The following GNL2 variants were observed in gnomAD, a reference collection of about 807,000 sequenced individuals.
GNL2 encodes G protein nucleolar 2, also known as nucleolar GTP-binding protein 2.
A neutral mutation model predicts 92.3 loss-of-function variants in GNL2; 51 were observed. The observed-to-expected ratio is 0.55, with a 90% confidence interval of 0.44 to 0.70. The LOEUF is 0.70. Ranked by LOEUF, GNL2 falls within the 30% of genes least tolerant of loss-of-function variation. The probability of loss-of-function intolerance (pLI) is 0.00; values close to 1 mark genes in which losing one functional copy is unlikely to be tolerated. For missense variants in GNL2, 844 were observed against 895.6 expected (o/e 0.94, Z 0.74); for synonymous variants, 283 against 300.6 (o/e 0.94, Z 0.61).
rs1178244695 is a variant in GNL2 at position 37,595,906 on chromosome 1, C to T, written c.-84G>A. 5.8e-6 allele frequency: 7 copies of T among 1,197,040 alleles called. No individual in the cohort carries two copies. The highest frequency in any genetic ancestry group is 8.7e-6 in the Non-Finnish European group (7 of 807,696). The allele number at this position is 1,197,040 out of a possible 1,614,324, so 74.2% of individuals were successfully genotyped here. A position where few individuals can be genotyped will look rare whatever the true frequency, so the allele number is the denominator to read the frequency against. ...TTATGTTCCCAAGCCCGGCCGAAGA[C>T]ACCCGCCTGAACCACGCCGGACCAC... On this transcript the variant is annotated 5_prime_UTR_variant, in exon 1 of 16. Coordinates refer to ENST00000373062, the MANE Select transcript of GNL2 (RefSeq NM_013285.3).
rs753481413 is a variant in GNL2 at position 37,592,717 on chromosome 1, C to T, written c.239G>A (p.Trp80Ter). The stretch of plus-strand genomic sequence containing the variant: ...TAACAGGGGATAATACTCACCAAAC[C>T]ATTTAATATTTGGCTCTACTCTTGC... Reference protein sequence around the residue: ...TVARVEPNIKWFGNTRVIKQS... With the variant: ...TVARVEPNIK Residue 80 changes from tryptophan (W) to a stop codon, truncating the protein, a stop_gained, in exon 3 of 16, where the codon TGG (tryptophan) becomes TAG (stop). Transcript: ENST00000373062. LOFTEE classifies it high-confidence loss of function. The T allele has an allele frequency of 6.4e-7, 1 of 1,550,636 alleles. No homozygotes were observed. Among genetic ancestry groups the T allele is most frequent in the Admixed American group, 1.7e-5 (1 of 59,912 alleles).
At chr1:37,577,920 G>C (rs2148133779) in intron 8 of GNL2, among the ~76,000 whole-genome samples, 1 of 152,238 alleles carries the variant, frequency 6.6e-6, no homozygotes, top group South Asian at 2.1e-4. Flanking sequence ...AAGGGATCCT[G>C]GATTTAGAGA....
intron 15 of GNL2, among the ~76,000 whole-genome samples, chr1:37,567,289 C>T (rs1643519301): frequency 6.6e-6 from 1 of 152,222 alleles, no homozygotes; most frequent in Non-Finnish European, 1.5e-5. Context: ...TGCAGCAAGG[C>T]TGAGTGCTGC....
intron 12 of GNL2, among the ~76,000 whole-genome samples, chr1:37,573,344 A>G (rs985260948): frequency 2.0e-5 from 3 of 152,382 alleles, no homozygotes; most frequent in East Asian, 1.9e-4. Context: ...GCATAGATGC[A>G]CAATTTGAAG....
intron 4 of GNL2, 129 bp downstream of exon 4, chr1:37,590,577 T>G: frequency 1.3e-6 from 1 of 741,882 alleles, no homozygotes; most frequent in Non-Finnish European, 2.3e-6. Context: ...AGAGAGGTCT[T>G]AGAAAGTTCA....
At chr1:37,574,963 G>A (rs552079708) in intron 10 of GNL2, 140 bp from the exon 11 acceptor site, 155 of 646,070 alleles carry the variant, frequency 2.4e-4, no homozygotes, top group Non-Finnish European at 3.7e-4. Context: ...TGTCTCTGAC[G>A]GGGCTAGACA....
At chr1:37,590,112 TTC>T (rs1406912908) in intron 4 of GNL2, among the ~76,000 whole-genome samples, 15 of 152,098 alleles carry the variant, frequency 9.9e-5, no homozygotes, top group African/African-American at 2.7e-4. Context: ...TATCTATACT[TTC>T]TGTTTTTTTT....
Position 37,595,750 on chromosome 1 carries a change from C to G in GNL2, c.64+9G>C. 1 of 1,613,342 alleles carries G rather than the reference C, an allele frequency of 6.2e-7. No homozygotes were observed. The highest frequency in any genetic ancestry group is 8.5e-7 in the Non-Finnish European group (1 of 1,179,210). On this transcript the variant is annotated intron_variant, in intron 1 of 15. Transcript: ENST00000373062. ...AAGCTCCACCCTCGATCAGCCCTGCCGCCTGTACCTGGGTTTGTGCTGGCC... is the reference window on the plus strand; with the variant it reads ...AAGCTCCACCCTCGATCAGCCCTGCGGCCTGTACCTGGGTTTGTGCTGGCC...
At chr1:37,576,646 T>C (rs1297773655) in intron 8 of GNL2, 90 bp from the exon 9 acceptor site, 2 of 1,316,014 alleles carry the variant, frequency 1.5e-6, no homozygotes, top group African/African-American at 2.9e-5. Flanking sequence ...ATATCAAGAA[T>C]ACAGTGCAAA....
chr1:37,585,125 C>A (rs1643832651), intron 5 of GNL2, among the ~76,000 whole-genome samples: 1 of 139,286 alleles, frequency 7.2e-6, no homozygotes, highest in Non-Finnish European at 1.5e-5. Context: ...GTGGTGCGAT[C>A]TTGGCTCACT....
chr1:37,582,954 C>CA lies in GNL2; in HGVS notation c.637-19dup. On this transcript the variant is annotated intron_variant, in intron 6 of 15. Transcript: ENST00000373062. ...TCTATCACCTGAAAATTCAGAAAGG[C>CA]AAAAATGGTTTGCTACAGTACAAAT... 6.3e-7 allele frequency: 1 copy of CA among 1,587,972 alleles called. No homozygotes were observed. Among genetic ancestry groups the CA allele is most frequent in the Non-Finnish European group, 8.6e-7 (1 of 1,165,402 alleles).
Position 37,567,693 on chromosome 1 carries a change from T to C in GNL2, c.2023A>G (p.Arg675Gly). 1 of 1,612,866 alleles carries C rather than the reference T, an allele frequency of 6.2e-7. No homozygotes were observed. The highest frequency in any genetic ancestry group is 2.2e-5 in the East Asian group (1 of 44,878). Reference sequence around the variant, plus strand: ...CTTACTTCTTTTGATGTAAGCGCCCTGGGAGCTTTATTTGAATGTTCCTGT... The same window carrying C: ...CTTACTTCTTTTGATGTAAGCGCCCCGGGAGCTTTATTTGAATGTTCCTGT... ...EEQEHSNKAP[R>G]ALTSKERRRA... Residue 675 changes from arginine (R) to glycine (G), a missense_variant, in exon 15 of 16, where the codon AGG (arginine) becomes GGG (glycine). Coordinates refer to ENST00000373062, the MANE Select transcript of GNL2 (RefSeq NM_013285.3).
At chr1:37,578,629 C>G (rs1013251999) in intron 8 of GNL2, among the ~76,000 whole-genome samples, 5 of 151,968 alleles carry the variant, frequency 3.3e-5, no homozygotes, top group African/African-American at 1.2e-4. Context: ...ACAATCACAG[C>G]TCTCTGCGGC....
rs751213477 is a variant in GNL2, at chr1:37,574,405, G to C, written c.1354C>G (p.Gln452Glu). The change falls in exon 12 of 16, where the codon CAG (glutamine) becomes GAG (glutamate). Residue 452 changes from glutamine to glutamate, a missense_variant. Transcript: ENST00000373062. ...TVGKMVLNDW[Q>E]RGRIPFFVKP... Reference sequence around the variant, plus strand: ...ACAAAGAAAGGAATCCGGCCCCTCTGCCAGTCATTGAGGACCATCTTACCC... The same window carrying C: ...ACAAAGAAAGGAATCCGGCCCCTCTCCCAGTCATTGAGGACCATCTTACCC... 1.2e-6 allele frequency: 2 copies of C among 1,614,090 alleles called. No homozygotes were observed. Among genetic ancestry groups the C allele is most frequent in the Non-Finnish European group, 1.7e-6 (2 of 1,180,000 alleles).
At chr1:37,584,979 G>A (rs1643829400) in intron 5 of GNL2, among the ~76,000 whole-genome samples, 1 of 151,656 alleles carries the variant, frequency 6.6e-6, no homozygotes, top group Non-Finnish European at 1.5e-5. Flanking sequence ...CCACTCGGGA[G>A]GCTGAGGCTG....
intron 1 of GNL2, chr1:37,594,174 C>A: frequency 5.2e-6 from 1 of 193,184 alleles, no homozygotes; most frequent in Non-Finnish European, 1.1e-5. Flanking sequence ...ATATTATCCC[C>A]ATGCTGCGGA....
In GNL2 at chr1:37,575,772, C is replaced by T; in HGVS notation, c.1039-73G>A. The T allele has an allele frequency of 1.1e-6, 1 of 911,988 alleles. No individual in the cohort carries two copies. Among genetic ancestry groups the T allele is most frequent in the Non-Finnish European group, 1.7e-6 (1 of 585,914 alleles). 56.5% of individuals were successfully genotyped at this position (911,988 alleles called of 1,614,324 possible). ...TCTAATTTCACAAACCCCTGATGCT[C>T]ATGTATGAAGCTGGAAAGGAGGAAG... On this transcript the variant is annotated intron_variant, in intron 9 of 15. Transcript: ENST00000373062. This position sits in a 1 kb window ranked among gnomAD's most constrained non-coding sequence, Gnocchi z 4.1.
At chr1:37,577,400 G>A (rs941673174) in intron 8 of GNL2, among the ~76,000 whole-genome samples, 4 of 152,166 alleles carry the variant, frequency 2.6e-5, no homozygotes, top group African/African-American at 9.7e-5. Flanking sequence ...GGAGGCTTCC[G>A]ATTAAAGATG....
Position 37,566,930 on chromosome 1 carries a change from C to A in GNL2, c.2121G>T (p.Arg707Ser), listed in dbSNP as rs1458912914. ...CATTGGTCTTCTTTTTGTTCCTGTTCCTATTTTTCACGTTGTGTGTTTCAT... is the reference window on the plus strand; with the variant it reads ...CATTGGTCTTCTTTTTGTTCCTGTTACTATTTTTCACGTTGTGTGTTTCAT... ...RYYETHNVKNRNRNKKKTNDS... is the reference protein window; with the variant it reads ...RYYETHNVKNSNRNKKKTNDS... Residue 707 changes from arginine to serine, a missense_variant, in exon 16 of 16, where the codon AGG (arginine) becomes AGT (serine). Physicochemically the swap from Arg to Ser is moderately radical, Grantham distance 110. Transcript: ENST00000373062. 6.2e-7 allele frequency: 1 copy of A among 1,614,086 alleles called. No homozygotes were observed. Among genetic ancestry groups the A allele is most frequent in the East Asian group, 2.2e-5 (1 of 44,872 alleles).
Sources: gnomAD v4.1 joint callset for allele counts (sites outside exome capture counted in the v4.1 genomes callset) on GRCh38, gnomAD v4.1.1 for gene constraint, Gnocchi (gnomAD v3.1) non-coding constraint, MANE v1.5 for transcripts, NCBI Gene and HGNC (gene_info 2026-07-23, HGNC 2026-07-21) for gene names.